The following PMPCB variants were observed in gnomAD, a reference collection of about 807,000 sequenced individuals.
PMPCB encodes peptidase, mitochondrial processing subunit beta.
Under a neutral mutation model 61.5 loss-of-function variants are expected in PMPCB, and 46 were observed. The ratio of observed to expected loss-of-function variants is 0.75; its 90% CI spans 0.59 to 0.96. PMPCB has a LOEUF of 0.96. PMPCB is among the 40% of genes least tolerant of loss of function. PMPCB has a pLI of 0.00. For synonymous variants in PMPCB, 191 were observed against 201.6 expected (o/e 0.95, Z 0.44); for missense variants, 590 against 602.4 (o/e 0.98, Z 0.22).
At chr7:103,338,359 C>T in the PMPCB span, among the ~76,000 whole-genome samples, 1 of 149,508 alleles carries the variant, frequency 6.7e-6, no homozygotes, top group African/African-American at 2.5e-5. Context: ...TGCAGTGGTG[C>T]CATCTTGGCT....
chr7:103,297,869 A>C, intron 1 of PMPCB: 1 of 1,437,462 alleles, frequency 7.0e-7, no homozygotes, highest in Non-Finnish European at 9.2e-7. Flanking sequence ...AAAAAGTGAA[A>C]TGGGTACCGC....
the PMPCB span, among the ~76,000 whole-genome samples, chr7:103,343,550 A>G: frequency 1.3e-5 from 2 of 152,280 alleles, no homozygotes; most frequent in Middle Eastern, 3.4e-3. Flanking sequence ...AACAATACCT[A>G]TTTATCTCAT....
Position 103,319,709 on chromosome 7 carries a change from T to G in PMPCB, c.*1431+7578T>G, listed in dbSNP as rs763729088. 33 of 1,613,830 alleles carry G rather than the reference T, an allele frequency of 2.0e-5. 1 individual carries two copies. The South Asian group carries it at 3.6e-4, about 18-fold the overall frequency. On this transcript the variant is annotated intron_variant and NMD_transcript_variant, in intron 12 of 12. Coordinates refer to the PMPCB transcript ENST00000444457. ...GAAAAAAAAAGAAGAAATGAAACTTTATCCTAAGCTCAAGTGAAGACTTCA... is the reference window on the plus strand; with the variant it reads ...GAAAAAAAAAGAAGAAATGAAACTTGATCCTAAGCTCAAGTGAAGACTTCA...
At chr7:103,341,592 C>G in the PMPCB span, among the ~76,000 whole-genome samples, 7 of 152,332 alleles carry the variant, frequency 4.6e-5, no homozygotes, top group East Asian at 1.3e-3. Context: ...CCAGCAGAGA[C>G]AGTATCTCAT....
chr7:103,310,427 G>A lies in PMPCB; in HGVS notation c.1106G>A (p.Cys369Tyr). Reference protein sequence around the residue: ...DTGLWGLYMVCESSTVADMLH... With the variant: ...DTGLWGLYMVYESSTVADMLH... Reference sequence around the variant, plus strand: ...GGATTATGGGGACTGTATATGGTTTGTGAATCATCCACTGTTGCAGACATG... The same window carrying A: ...GGATTATGGGGACTGTATATGGTTTATGAATCATCCACTGTTGCAGACATG... The change falls in exon 9 of 13, where the codon TGT becomes TAT. Residue 369 changes from cysteine to tyrosine, a missense_variant. By Grantham distance (194) the Cys-to-Tyr change is radical. Coordinates refer to ENST00000249269, the MANE Select transcript of PMPCB (RefSeq NM_004279.3). 6.2e-7 allele frequency: 1 copy of A among 1,613,206 alleles called. No homozygotes were observed.
the PMPCB span, among the ~76,000 whole-genome samples, chr7:103,342,999 A>C: frequency 1.3e-5 from 2 of 151,416 alleles, no homozygotes; most frequent in African/African-American, 4.9e-5. Context: ...AACAACTCAA[A>C]CTATCTTTTT....
In PMPCB at chr7:103,311,381, C is replaced by T. The variant is rs144815084; in HGVS notation, c.1155-262C>T. The T allele has an allele frequency of 1.4e-3, 709 of 489,752 alleles. 4 individuals are homozygous for T. Among genetic ancestry groups the T allele is most frequent in the African/African-American group, 0.013 (682 of 50,866 alleles). 30.3% of individuals were successfully genotyped at this position (489,752 alleles called of 1,614,324 possible). ...CAACAGATGAGGACTCATGAAGTCT[C>T]AAGATGCTTATAGCATTTCTGAAAA... On this transcript the variant is annotated intron_variant, in intron 9 of 12. Transcript: ENST00000249269.
Position 103,311,897 on chromosome 7 carries a change from G to T in PMPCB, c.1329+1G>T. ...CCCTGAGCTTGAAGCAAGAATTGAT[G>T]TAAGTAGTCCTGAGTTACTATTGGG... On this transcript the variant is annotated splice_donor_variant, in intron 11 of 12. Coordinates refer to ENST00000249269, the MANE Select transcript of PMPCB (RefSeq NM_004279.3). LOFTEE classifies it high-confidence loss of function. 2 of 1,596,924 alleles carry T rather than the reference G, an allele frequency of 1.3e-6. No homozygotes were observed. Among genetic ancestry groups the T allele is most frequent in the East Asian group, 2.2e-5 (1 of 44,794 alleles).
At position 103,309,037 on chromosome 7, in the gene PMPCB, G is replaced by A. The variant is rs1057797; in HGVS notation, c.935G>A (p.Cys312Tyr). 2,150 of 1,608,814 alleles carry A rather than the reference G, an allele frequency of 1.3e-3. 56 individuals are homozygous for A. In the Admixed American group the frequency reaches 0.033, roughly 25 times the overall value. ...AVGWAHPDTICLMVANTLIGN... is the reference protein window; with the variant it reads ...AVGWAHPDTIYLMVANTLIGN... ...GGTTGGGCACATCCAGATACAATCT[G>A]TCTCATGGTTGCAAACACGCTGATT... Residue 312 changes from cysteine to tyrosine, a missense_variant, in exon 8 of 13, where the codon TGT becomes TAT. By Grantham distance (194) the Cys-to-Tyr change is radical. Transcript: ENST00000249269.
At chr7:103,335,869 TAA>T in the PMPCB span, 2 of 152,180 alleles carry the variant, frequency 1.3e-5, no homozygotes, top group Non-Finnish European at 2.9e-5. Flanking sequence ...ACAAGGCCAA[TAA>T]AAAGAGTGGA....
chr7:103,301,533 A>C (rs1817450489), intron 4 of PMPCB, among the ~76,000 whole-genome samples: 1 of 152,196 alleles, frequency 6.6e-6, no homozygotes, highest in Non-Finnish European at 1.5e-5. Context: ...CAGAAAAAGG[A>C]AGGATGAAAT....
At chr7:103,299,384 T>TC (rs1563443659) in intron 2 of PMPCB, 59 bp from the exon 3 acceptor site, 2 of 1,019,332 alleles carry the variant, frequency 2.0e-6, no homozygotes, top group Admixed American at 2.1e-5. Context: ...AGGAGACTGT[T>TC]CCCCCCAACC....
chr7:103,344,098 G>A, the PMPCB span, among the ~76,000 whole-genome samples: 2 of 152,182 alleles, frequency 1.3e-5, no homozygotes, highest in Admixed American at 6.5e-5. Context: ...TATGAGGAGC[G>A]GTGTCTGAGT....
At chr7:103,316,210 T>C (rs1818046340), downstream of PMPCB, 2 of 529,130 alleles carry the variant, frequency 3.8e-6, no homozygotes, top group African/African-American at 3.9e-5. Flanking sequence ...CTCAGATTGG[T>C]GGTCTAATTA....
the PMPCB span, among the ~76,000 whole-genome samples, chr7:103,346,184 G>A: frequency 2.0e-5 from 3 of 152,218 alleles, no homozygotes; most frequent in East Asian, 5.8e-4. Context: ...CCAGGCTGGA[G>A]TGCAGTGGCC....
intron 4 of PMPCB, among the ~76,000 whole-genome samples, chr7:103,303,545 A>G (rs767144680): frequency 2.0e-5 from 3 of 152,254 alleles, no homozygotes; most frequent in African/African-American, 7.2e-5. Flanking sequence ...TAATTTTCAT[A>G]TAGAACAATC....
At position 103,310,417 on chromosome 7, in the gene PMPCB, T is replaced by C; in HGVS notation, c.1096T>C (p.Tyr366His). 6.2e-7 allele frequency: 1 copy of C among 1,613,564 alleles called. No homozygotes were observed. The highest frequency in any genetic ancestry group is 8.5e-7 in the Non-Finnish European group (1 of 1,179,570). Residue 366 changes from tyrosine to histidine, a missense_variant, in exon 9 of 13, where the codon TAT becomes CAT. Physicochemically the swap from Tyr to His is moderately conservative, Grantham distance 83 (BLOSUM62 2). Coordinates refer to ENST00000249269, the MANE Select transcript of PMPCB (RefSeq NM_004279.3). ...SYTDTGLWGL[Y>H]MVCESSTVAD... ...CACAGATACAGGATTATGGGGACTG[T>C]ATATGGTTTGTGAATCATCCACTGT...
At chr7:103,319,911 T>G in intron 12 of PMPCB, 2 of 1,550,380 alleles carry the variant, frequency 1.3e-6, no homozygotes, top group Non-Finnish European at 1.8e-6. Context: ...ATTACAAAGC[T>G]GTAATCCCAG....
At chr7:103,300,605 C>T (rs1413003430) in intron 4 of PMPCB, among the ~76,000 whole-genome samples, 2 of 152,148 alleles carry the variant, frequency 1.3e-5, no homozygotes, top group Non-Finnish European at 2.9e-5. Context: ...TGTTTTGACT[C>T]TCTTAAAAGT....
Sources: allele counts gnomAD v4.1 joint callset (sites outside exome capture counted in the v4.1 genomes callset), GRCh38; gene constraint gnomAD v4.1.1; transcripts MANE v1.5; gene names NCBI Gene and HGNC (gene_info 2026-07-23, HGNC 2026-07-21).